ANKRD30B: variants seen among roughly 807,000 people sequenced by gnomAD.
The protein encoded by ANKRD30B is ankyrin repeat domain-containing protein 30B.
In ANKRD30B, 144 loss-of-function variants were observed where a neutral mutation model predicts 202.2. The ratio of observed to expected loss-of-function variants is 0.71; its 90% CI spans 0.62 to 0.82. ANKRD30B has a LOEUF of 0.82. ANKRD30B is among the 40% of genes least tolerant of loss of function. The pLI is 0.00. For synonymous variants in ANKRD30B, 508 were observed against 561.3 expected (o/e 0.91, Z 1.34); for missense variants, 1,487 against 1,669.1 (o/e 0.89, Z 1.90).
At chr18:14,912,460 A>G in the ANKRD30B span, among the ~76,000 whole-genome samples, 3 of 152,182 alleles carry the variant, frequency 2.0e-5, no homozygotes, top group Non-Finnish European at 4.4e-5. Context: ...CATCCCTGAG[A>G]TAAATCCCAC....
At position 14,763,840 on chromosome 18, in the gene ANKRD30B, T is replaced by G. The variant is rs1238275333; in HGVS notation, c.975T>G (p.Ser325=). 6.2e-7 allele frequency: 1 copy of G among 1,613,302 alleles called. No homozygotes were observed. Among genetic ancestry groups the G allele is most frequent in the African/African-American group, 1.3e-5 (1 of 74,994 alleles). The change falls in exon 7 of 44, where the codon TCT becomes TCG. Residue 325 remains serine (S), a synonymous_variant. Coordinates refer to ENST00000690538, the MANE Select transcript of ANKRD30B (RefSeq NM_001367607.2). ...TTCAATGTCTGGGGAAAGCAACATC[T>G]GGAAAGTTTGAACAGTCAACAGAAG... is the stretch of plus-strand genomic sequence containing the variant. ...AKIQCLGKAT[S]GKFEQSTEET...
chr18:14,785,954 C>G (rs1379270024), intron 14 of ANKRD30B, among the ~76,000 whole-genome samples: 1 of 141,338 alleles, frequency 7.1e-6, no homozygotes, highest in Non-Finnish European at 1.5e-5. Context: ...AGGAGAATGG[C>G]GTGAACCCAG....
At chr18:14,897,185 A>G in the ANKRD30B span, among the ~76,000 whole-genome samples, 2 of 152,134 alleles carry the variant, frequency 1.3e-5, no homozygotes, top group Non-Finnish European at 2.9e-5. Flanking sequence ...TTGAAACTAG[A>G]GCTGTATATC....
At chr18:14,792,847 G>A (rs1968617773) in intron 16 of ANKRD30B, among the ~76,000 whole-genome samples, 1 of 151,846 alleles carries the variant, frequency 6.6e-6, no homozygotes, top group Admixed American at 6.6e-5. Flanking sequence ...TGGTAAAATT[G>A]CCATTTTATA....
chr18:14,840,928 G>T (rs1246388424), intron 37 of ANKRD30B, among the ~76,000 whole-genome samples: 2 of 152,210 alleles, frequency 1.3e-5, no homozygotes, highest in African/African-American at 4.8e-5. Context: ...AACAGGGAAT[G>T]AAGACTGAGG....
At chr18:14,893,777 C>T in the ANKRD30B span, among the ~76,000 whole-genome samples, 123 of 151,040 alleles carry the variant, frequency 8.1e-4, no homozygotes, top group Middle Eastern at 3.4e-3. Context: ...TATCCGTTGC[C>T]TCACATAAAA....
In ANKRD30B at chr18:14,748,435, G is replaced by C; in HGVS notation, c.16G>C (p.Ala6Pro). The C allele has an allele frequency of 6.6e-7, 1 of 1,512,098 alleles. No individual in the cohort carries two copies. The highest frequency in any genetic ancestry group is 1.3e-5 in the South Asian group (1 of 78,792). The allele number at this position is 1,512,098 out of a possible 1,614,324, so 93.7% of individuals were successfully genotyped here. MKRLL[A>P]AAGKGVRGPE... Reference sequence around the variant, plus strand: ...GGCTGCAGCCATGAAGAGGCTCTTAGCTGCCGCTGGCAAGGGCGTGCGGGG... The same window carrying C: ...GGCTGCAGCCATGAAGAGGCTCTTACCTGCCGCTGGCAAGGGCGTGCGGGG... The change falls in exon 1 of 44, where the codon GCT (alanine) becomes CCT (proline). Residue 6 changes from alanine to proline, a missense_variant. Physicochemically the swap from Ala to Pro is conservative, Grantham distance 27. Transcript: ENST00000690538.
the ANKRD30B span, among the ~76,000 whole-genome samples, chr18:14,871,196 C>G: frequency 3.2e-5 from 4 of 125,574 alleles, no homozygotes; most frequent in African/African-American, 1.3e-4. Context: ...CACACCCTCA[C>G]CTGCCTGGTC....
chr18:14,805,727 C>T (rs150014541), intron 24 of ANKRD30B, among the ~76,000 whole-genome samples: 2,466 of 150,774 alleles, frequency 0.016, 147 homozygotes, highest in African/African-American at 0.056. Context: ...TAGCATTCTA[C>T]GTTCAGCTTT....
intron 1 of ANKRD30B, among the ~76,000 whole-genome samples, chr18:14,752,181 C>G (rs2078705049): frequency 6.6e-6 from 1 of 152,100 alleles, no homozygotes. Context: ...TAGGAACTCT[C>G]CAAAATACTT....
intron 8 of ANKRD30B, among the ~76,000 whole-genome samples, chr18:14,771,304 C>T (rs1004817055): frequency 6.6e-6 from 1 of 152,086 alleles, no homozygotes; most frequent in African/African-American, 2.4e-5. Context: ...TAGTGGCTCC[C>T]ACTTCCAGAT....
intron 39 of ANKRD30B, among the ~76,000 whole-genome samples, chr18:14,845,699 A>G (rs1971610341): frequency 6.6e-6 from 1 of 151,976 alleles, no homozygotes; most frequent in Non-Finnish European, 1.5e-5. Flanking sequence ...TAAAAAATCT[A>G]TAGTTGGGAG....
chr18:14,803,567 G>A, intron 23 of ANKRD30B, 167 bp from the exon 24 acceptor site: 1 of 660,696 alleles, frequency 1.5e-6, no homozygotes, highest in East Asian at 3.3e-5. Context: ...GTTATGTGAG[G>A]TTTTCTATCA....
At chr18:14,795,555 T>C (rs887626918) in intron 16 of ANKRD30B, among the ~76,000 whole-genome samples, 2 of 152,286 alleles carry the variant, frequency 1.3e-5, no homozygotes, top group African/African-American at 4.8e-5. Flanking sequence ...TCAGGAAATT[T>C]TGAGAGGACT....
chr18:14,848,347 C>T (rs1224976137), intron 39 of ANKRD30B, among the ~76,000 whole-genome samples: 7 of 152,100 alleles, frequency 4.6e-5, no homozygotes, highest in Non-Finnish European at 1.0e-4. Flanking sequence ...GGCTAAAATG[C>T]TTTTCTTCCC....
At chr18:14,764,161 G>T in intron 7 of ANKRD30B, 71 bp downstream of exon 7, 2 of 1,403,424 alleles carry the variant, frequency 1.4e-6, no homozygotes, top group Non-Finnish European at 1.9e-6. Flanking sequence ...AGTGTGATAT[G>T]GGAGTTGTTG....
chr18:14,872,329 CT>C, the ANKRD30B span, among the ~76,000 whole-genome samples: 1 of 152,194 alleles, frequency 6.6e-6, no homozygotes, highest in Non-Finnish European at 1.5e-5. Flanking sequence ...TTCTTTGCCC[CT>C]AAACTGTGGC....
rs183749066 is a variant in ANKRD30B, at chr18:14,837,268, C to T, written c.2905C>T (p.Arg969Ter). The change falls in exon 35 of 44, where the codon CGA becomes TGA. Residue 969 changes from arginine (R) to a stop codon, truncating the protein, a stop_gained. Transcript: ENST00000690538. LOFTEE classifies it high-confidence loss of function. ...GGAACGTGATATTGGCATTATTGAA[C>T]GAGCTCCACAAGATCAAACAAGTAA... Reference protein sequence around the residue: ...QQERDIGIIERAPQDQTNKMP... With the variant: ...QQERDIGIIE The T allele has an allele frequency of 3.5e-5, 54 of 1,548,622 alleles. No individual in the cohort carries two copies. Among genetic ancestry groups the T allele is most frequent in the East Asian group, 9.8e-5 (4 of 40,740 alleles).
At chr18:14,892,349 G>A in the ANKRD30B span, among the ~76,000 whole-genome samples, 2 of 151,970 alleles carry the variant, frequency 1.3e-5, no homozygotes, top group East Asian at 1.9e-4. Context: ...TCCCTTTTTG[G>A]TCCTGTCATG....
Sources: gnomAD v4.1 joint callset for allele counts (sites outside exome capture counted in the v4.1 genomes callset) on GRCh38, gnomAD v4.1.1 for gene constraint, MANE v1.5 for transcripts, NCBI Gene and HGNC (gene_info 2026-07-23, HGNC 2026-07-21) for gene names.